The following EPHA7 variants were observed in gnomAD, a reference collection of about 807,000 sequenced individuals.
EPHA7 encodes the protein EPH receptor A7.
A neutral mutation model predicts 112.6 loss-of-function variants in EPHA7; 25 were observed. That is an observed-to-expected ratio of 0.22 (90% CI 0.16 to 0.31). EPHA7 has a LOEUF of 0.31. Ranked by LOEUF, EPHA7 falls within the 10% of genes least tolerant of loss-of-function variation. The pLI, the probability that EPHA7 is intolerant of heterozygous loss-of-function variation, is 1.00. For synonymous variants in EPHA7, 437 were observed against 406.5 expected, an observed-to-expected ratio of 1.07 and a Z score of -0.90; for missense variants, 962 against 1,212.6, an observed-to-expected ratio of 0.79 and a Z score of 3.07.
chr6:93,323,636 T>A (rs185310110), intron 5 of EPHA7, among the ~76,000 whole-genome samples: 1 of 151,556 alleles, frequency 6.6e-6, no homozygotes, highest in African/African-American at 2.4e-5. Context: ...TTTTTAAAAT[T>A]AAAAATTCCA....
In EPHA7 at chr6:93,241,158, T is replaced by C. The variant is rs934616022; in HGVS notation, c.*2268A>G. 4.3e-5 allele frequency: 9 copies of C among 209,468 alleles called. No homozygotes were observed. Among genetic ancestry groups the C allele is most frequent in the Non-Finnish European group, 6.8e-5 (7 of 102,912 alleles). The allele number at this position is 209,468 out of a possible 1,614,324, so 13.0% of individuals were successfully genotyped here. The stretch of plus-strand genomic sequence containing the variant: ...AAGCAGGAAAGACACCGTTTGCATG[T>C]ACCATACTATGTCTTCTATTTCTAG... On this transcript the variant is annotated 3_prime_UTR_variant, in exon 17 of 17. Coordinates refer to ENST00000369303, the MANE Select transcript of EPHA7 (RefSeq NM_004440.4).
chr6:93,297,512 TCTTTG>T (rs1309839791), intron 5 of EPHA7, among the ~76,000 whole-genome samples: 1 of 152,284 alleles, frequency 6.6e-6, no homozygotes, highest in East Asian at 1.9e-4. Context: ...AAACTCCTTT[TCTTTG>T]ATGTCTCATT....
At chr6:93,363,086 T>C (rs1776335258) in intron 3 of EPHA7, among the ~76,000 whole-genome samples, 1 of 152,174 alleles carries the variant, frequency 6.6e-6, no homozygotes, top group African/African-American at 2.4e-5. Flanking sequence ...ATATCTTGCT[T>C]GGCTATCCTC....
At chr6:93,244,104 A>T (rs139820249) in intron 16 of EPHA7, among the ~76,000 whole-genome samples, 404 of 152,296 alleles carry the variant, frequency 2.7e-3, no homozygotes, top group African/African-American at 9.1e-3. Context: ...TAAAATGTAC[A>T]TCTAAATTTA....
rs559803993 is a variant in EPHA7 at position 93,388,043 on chromosome 6, T to G, written c.832+22458A>C. Among the ~76,000 whole-genome samples, 9 of 151,910 alleles carry G rather than the reference T, an allele frequency of 5.9e-5. No individual in the cohort carries two copies. The East Asian group carries it at 1.7e-3, about 30-fold the overall frequency. ...AGCAATTCATGATCCAGGAGGAAAA[T>G]ATAAAGAACATAGAGTAATCCAAAT... On this transcript the variant is annotated intron_variant, in intron 3 of 16. Transcript: ENST00000369303.
chr6:93,263,112 A>T lies in EPHA7; in HGVS notation c.1798+748T>A, dbSNP rs185802003. 3.0e-3 allele frequency among the ~76,000 whole-genome samples: 456 copies of T among 151,494 alleles called. 3 individuals carry two copies. Among genetic ancestry groups the T allele is most frequent in the African/African-American group, 0.01 (428 of 41,484 alleles). On this transcript the variant is annotated intron_variant, in intron 9 of 16. Transcript: ENST00000369303. ...AGGATTAAAAATGGGGAAAATAGGT[A>T]AAGGTAAGAACATCATCAACTATCA...
In EPHA7 at chr6:93,269,525, T is replaced by G. The variant is rs1348732539; in HGVS notation, c.1585A>C (p.Arg529=). Residue 529 remains arginine, a synonymous_variant, in exon 7 of 17, where the codon AGA becomes CGA. Coordinates refer to ENST00000369303, the MANE Select transcript of EPHA7 (RefSeq NM_004440.4). ...TCCTCTAGTGTAGCAACATCAAGTC[T>G]GGGACTGTAATTTCCATAACCAGCA... The part of the protein sequence containing the change: ...TAAGYGNYSP[R]LDVATLEEAT... 2 of 1,611,314 alleles carry G rather than the reference T, an allele frequency of 1.2e-6. No homozygotes were observed. The highest frequency in any genetic ancestry group is 2.2e-5 in the East Asian group (1 of 44,714).
intron 5 of EPHA7, among the ~76,000 whole-genome samples, chr6:93,338,476 T>A (rs1359593037): frequency 1.3e-5 from 2 of 151,998 alleles, no homozygotes; most frequent in Non-Finnish European, 2.9e-5. Flanking sequence ...CCATTGAAAT[T>A]CAACTCTCTT....
intron 5 of EPHA7, among the ~76,000 whole-genome samples, chr6:93,277,697 C>T (rs1771534496): frequency 6.6e-6 from 1 of 151,876 alleles, no homozygotes; most frequent in Admixed American, 6.6e-5. Context: ...ATGTTATTTG[C>T]ATTGCTATCT....
intron 5 of EPHA7, among the ~76,000 whole-genome samples, chr6:93,323,091 T>C (rs763120352): frequency 9.2e-5 from 14 of 151,648 alleles, no homozygotes; most frequent in African/African-American, 3.4e-4. Flanking sequence ...AATAAACAAC[T>C]TCAAATGCAT....
At chr6:93,254,904 T>A in intron 13 of EPHA7, 108 bp from the exon 14 acceptor site, 1 of 812,142 alleles carries the variant, frequency 1.2e-6, no homozygotes. Flanking sequence ...TTCAGCAGCA[T>A]CAGGTCTACC....
intron 5 of EPHA7, among the ~76,000 whole-genome samples, chr6:93,332,505 T>C (rs1774645867): frequency 6.6e-6 from 1 of 151,572 alleles, no homozygotes; most frequent in Non-Finnish European, 1.5e-5. Context: ...TATATTTTTA[T>C]ATGCAATTTA....
At chr6:93,250,730 C>T (rs1770171241) in intron 14 of EPHA7, among the ~76,000 whole-genome samples, 1 of 152,112 alleles carries the variant, frequency 6.6e-6, no homozygotes, top group African/African-American at 2.4e-5. Flanking sequence ...TCATCTGAAA[C>T]ATATTCTTGT....
In EPHA7 at chr6:93,365,706, T is replaced by C. The variant is rs1293361269; in HGVS notation, c.833-7295A>G. On this transcript the variant is annotated intron_variant, in intron 3 of 16. Coordinates refer to ENST00000369303, the MANE Select transcript of EPHA7 (RefSeq NM_004440.4). Reference sequence around the variant, plus strand: ...GATGTAATGAGTACATTATGGTTTGTGGAACAACATCCCTATCACCCTGGA... The same window carrying C: ...GATGTAATGAGTACATTATGGTTTGCGGAACAACATCCCTATCACCCTGGA... Among the ~76,000 whole-genome samples, 3 of 152,176 alleles carry C rather than the reference T, an allele frequency of 2.0e-5. No individual in the cohort carries two copies. In the East Asian group the frequency reaches 5.8e-4, roughly 29 times the overall value.
intron 3 of EPHA7, among the ~76,000 whole-genome samples, chr6:93,361,776 C>T (rs183020698): frequency 1.4e-4 from 22 of 152,182 alleles, no homozygotes; most frequent in African/African-American, 4.3e-4. Context: ...AATTTTTCCT[C>T]TGCTTTATTT....
intron 5 of EPHA7, among the ~76,000 whole-genome samples, chr6:93,337,676 T>A (rs1036868989): frequency 2.6e-5 from 4 of 152,104 alleles, no homozygotes; most frequent in Non-Finnish European, 5.9e-5. Flanking sequence ...CAGTAGAGTA[T>A]CACAGACAAG....
intron 3 of EPHA7, among the ~76,000 whole-genome samples, chr6:93,405,764 T>C (rs2127991449): frequency 6.9e-6 from 1 of 145,624 alleles, no homozygotes; most frequent in East Asian, 2.1e-4. Context: ...CCACTGGTGT[T>C]TCTTATATTT....
At chr6:93,287,853 G>A (rs1034935227) in intron 5 of EPHA7, among the ~76,000 whole-genome samples, 2 of 151,914 alleles carry the variant, frequency 1.3e-5, no homozygotes, top group African/African-American at 4.8e-5. Context: ...TTAGTTATTA[G>A]GAAAATACAG....
At chr6:93,334,643 T>G (rs1017372537) in intron 5 of EPHA7, among the ~76,000 whole-genome samples, 1 of 151,940 alleles carries the variant, frequency 6.6e-6, no homozygotes, top group Non-Finnish European at 1.5e-5. Flanking sequence ...TAGAAAAAAA[T>G]ATCTCCAAAG....
Sources: allele counts gnomAD v4.1 joint callset (sites outside exome capture counted in the v4.1 genomes callset), GRCh38; gene constraint gnomAD v4.1.1; transcripts MANE v1.5; gene names NCBI Gene and HGNC (gene_info 2026-07-23, HGNC 2026-07-21).